Variants in LRP1B observed in about 807,000 individuals in gnomAD.
LRP1B encodes low-density lipoprotein receptor-related protein 1B.
Under a neutral mutation model 556.6 loss-of-function variants are expected in LRP1B, and 217 were observed. The observed-to-expected ratio is 0.39, with a 90% CI of 0.35 to 0.44. The LOEUF is 0.44. Among genes scored for constraint, LRP1B ranks in the 20% least tolerant of loss-of-function variants. LRP1B has a pLI of 1.00. For synonymous variants in LRP1B, 2,047 were observed against 1,865.8 expected (o/e 1.10, Z -2.50); for missense variants, 5,053 against 5,620.8 (o/e 0.90, Z 3.23).
intron 20 of LRP1B, among the ~76,000 whole-genome samples, chr2:140,929,756 TCACA>T (rs3063648): frequency 0.06 from 8,376 of 139,274 alleles, 319 homozygotes; most frequent in African/African-American, 0.11. Context: ...TCATATAGAC[TCACA>T]CACACACACA....
At chr2:140,528,529 T>A (rs990299476) in intron 47 of LRP1B, among the ~76,000 whole-genome samples, 1 of 151,838 alleles carries the variant, frequency 6.6e-6, no homozygotes, top group Non-Finnish European at 1.5e-5. Flanking sequence ...ATAGGGCTAA[T>A]GAATCTTTGG....
rs1483901304 is a variant in LRP1B, at chr2:140,509,681, CTG to C, written c.8398+245_8398+246del. On this transcript the variant is annotated intron_variant, in intron 52 of 90. Transcript: ENST00000389484. The stretch of plus-strand genomic sequence containing the variant: ...TTAGCTGAGAAGTGAAATGATAAAT[CTG>C]TGTTTATCAAAGTGGTTTTAAAATG... 1.2e-4 allele frequency among the ~76,000 whole-genome samples: 19 copies of C among 152,236 alleles called. 1 individual carries two copies. The highest frequency in any genetic ancestry group is 4.6e-4 in the African/African-American group (19 of 41,544).
At chr2:141,350,380 G>A (rs928142796) in intron 3 of LRP1B, among the ~76,000 whole-genome samples, 1 of 152,070 alleles carries the variant, frequency 6.6e-6, no homozygotes, top group Non-Finnish European at 1.5e-5. Context: ...TGAAGAGAAA[G>A]TAACTAGGAA....
rs1688493803 is a variant in LRP1B, at chr2:140,486,856, A to G, written c.9243+761T>C. Reference sequence around the variant, plus strand: ...AATCCAGCTTACTATTTGTTTCATCATTGTACATGCACACTTTAAGATCTC... The same window carrying G: ...AATCCAGCTTACTATTTGTTTCATCGTTGTACATGCACACTTTAAGATCTC... On this transcript the variant is annotated intron_variant, in intron 58 of 90. Transcript: ENST00000389484. 2.6e-5 allele frequency among the ~76,000 whole-genome samples: 4 copies of G among 151,964 alleles called. No homozygotes were observed. In the South Asian group the frequency reaches 8.3e-4, roughly 32 times the overall value.
intron 1 of LRP1B, among the ~76,000 whole-genome samples, chr2:141,860,571 T>C (rs1277320182): frequency 1.3e-5 from 2 of 152,154 alleles, no homozygotes; most frequent in African/African-American, 4.8e-5. Context: ...CATCATGCTA[T>C]GTAATTCACT....
intron 2 of LRP1B, among the ~76,000 whole-genome samples, chr2:141,526,103 G>A (rs1277498290): frequency 6.6e-6 from 1 of 151,908 alleles, no homozygotes; most frequent in Admixed American, 6.6e-5. Flanking sequence ...AGACAGTTTG[G>A]TTCTAAAGCC....
chr2:140,638,174 T>G (rs917046528), intron 41 of LRP1B, among the ~76,000 whole-genome samples: 1 of 152,232 alleles, frequency 6.6e-6, no homozygotes, highest in African/African-American at 2.4e-5. Context: ...AAGTAATTGA[T>G]TCCTCAGTAT....
intron 16 of LRP1B, among the ~76,000 whole-genome samples, chr2:140,991,964 T>C (rs957413580): frequency 3.9e-5 from 6 of 152,058 alleles, no homozygotes; most frequent in African/African-American, 1.4e-4. Context: ...TTAGAATTTA[T>C]TTTGTTGGTT....
At chr2:141,387,164 C>T (rs1334005212) in intron 3 of LRP1B, among the ~76,000 whole-genome samples, 3 of 151,768 alleles carry the variant, frequency 2.0e-5, no homozygotes, top group African/African-American at 4.8e-5. Flanking sequence ...AAAACAAAAG[C>T]ACACATACTA....
At chr2:141,295,273 C>A (rs1686137405) in intron 3 of LRP1B, among the ~76,000 whole-genome samples, 1 of 152,066 alleles carries the variant, frequency 6.6e-6, no homozygotes, top group Non-Finnish European at 1.5e-5. Context: ...GTTGATATAT[C>A]TTTAAGATTT....
intron 7 of LRP1B, among the ~76,000 whole-genome samples, chr2:141,079,832 T>C (rs549144388): frequency 2.0e-4 from 31 of 152,344 alleles, no homozygotes; most frequent in African/African-American, 7.5e-4. Flanking sequence ...ATTGTGGTTT[T>C]GCCATTGAAA....
At chr2:141,901,090 T>C (rs985187181) in intron 1 of LRP1B, among the ~76,000 whole-genome samples, 2 of 152,062 alleles carry the variant, frequency 1.3e-5, no homozygotes, top group African/African-American at 4.8e-5. Context: ...CTTGGCTATA[T>C]TCATTTATCC....
intron 66 of LRP1B, among the ~76,000 whole-genome samples, chr2:140,400,666 A>G (rs1039967705): frequency 6.6e-6 from 1 of 152,172 alleles, no homozygotes; most frequent in Non-Finnish European, 1.5e-5. Flanking sequence ...TAACGTGTAG[A>G]GATTCACAGT....
At chr2:141,803,123 C>A (rs1308228280) in intron 2 of LRP1B, among the ~76,000 whole-genome samples, 1 of 151,638 alleles carries the variant, frequency 6.6e-6, no homozygotes, top group Non-Finnish European at 1.5e-5. Flanking sequence ...CCGAAAAGCA[C>A]TGACTTCTTG....
At chr2:141,553,143 G>A (rs1324810523) in intron 2 of LRP1B, among the ~76,000 whole-genome samples, 1 of 151,850 alleles carries the variant, frequency 6.6e-6, no homozygotes, top group Admixed American at 6.6e-5. Context: ...GACAATGGCT[G>A]TCTACTTTCC....
intron 1 of LRP1B, among the ~76,000 whole-genome samples, chr2:142,034,407 G>C (rs934557914): frequency 1.3e-5 from 2 of 151,500 alleles, no homozygotes; most frequent in Admixed American, 6.6e-5. Flanking sequence ...TAAATATGCT[G>C]TGGGAACATA....
intron 1 of LRP1B, among the ~76,000 whole-genome samples, chr2:142,116,389 A>G (rs1707278763): frequency 1.3e-5 from 2 of 151,996 alleles, no homozygotes; most frequent in Admixed American, 1.3e-4. Flanking sequence ...ATTGTAGGAC[A>G]GTTACTAAAG....
intron 7 of LRP1B, among the ~76,000 whole-genome samples, chr2:141,184,699 T>C (rs940766815): frequency 6.6e-6 from 1 of 151,804 alleles, no homozygotes; most frequent in Non-Finnish European, 1.5e-5. Context: ...TATGCTTTTC[T>C]CTTATCAATA....
chr2:141,011,540 T>C (rs1226115126), intron 14 of LRP1B, among the ~76,000 whole-genome samples: 3 of 152,058 alleles, frequency 2.0e-5, no homozygotes, highest in Non-Finnish European at 4.4e-5. Flanking sequence ...AGTTAAGTAC[T>C]AGGTAATTCT....
Sources: allele counts gnomAD v4.1 joint callset (sites outside exome capture counted in the v4.1 genomes callset), GRCh38; gene constraint gnomAD v4.1.1; transcripts MANE v1.5; gene names NCBI Gene and HGNC (gene_info 2026-07-23, HGNC 2026-07-21).